Variants in NCKAP5 observed in about 807,000 individuals in gnomAD.
NCKAP5 encodes the protein nck-associated protein 5.
Under a neutral mutation model 167.0 loss-of-function variants are expected in NCKAP5, and 92 were observed. The observed-to-expected ratio is 0.55, with a 90% confidence interval of 0.47 to 0.66. The LOEUF (loss-of-function observed/expected upper bound fraction) is 0.66. NCKAP5 is among the 30% of genes least tolerant of loss of function. NCKAP5 has a pLI of 0.00. For synonymous variants in NCKAP5, 891 were observed against 877.4 expected, an observed-to-expected ratio of 1.02 and a Z score of -0.27; for missense variants, 2,378 against 2,315.0, an observed-to-expected ratio of 1.03 and a Z score of -0.56.
intron 19 of NCKAP5, among the ~76,000 whole-genome samples, chr2:132,701,303 T>G (rs1163740681): frequency 6.6e-6 from 1 of 152,110 alleles, no homozygotes; most frequent in Admixed American, 6.6e-5. Flanking sequence ...CAGGGTGCCA[T>G]CTGGGCCCAT....
intron 6 of NCKAP5, among the ~76,000 whole-genome samples, chr2:133,026,429 C>A (rs2078702693): frequency 6.6e-6 from 1 of 151,134 alleles, no homozygotes; most frequent in African/African-American, 2.4e-5. Context: ...GATTCACTCT[C>A]AGGAAACTTC....
intron 6 of NCKAP5, among the ~76,000 whole-genome samples, chr2:133,100,408 G>T (rs1251359114): frequency 6.6e-6 from 1 of 152,066 alleles, no homozygotes; most frequent in Non-Finnish European, 1.5e-5. Context: ...ATGTAGTTGG[G>T]CCATTTTACA....
intron 11 of NCKAP5, among the ~76,000 whole-genome samples, chr2:132,807,428 T>C (rs1685525032): frequency 6.6e-6 from 1 of 152,204 alleles, no homozygotes; most frequent in Non-Finnish European, 1.5e-5. Context: ...TCATCTATGA[T>C]TTCTTTCAAC....
At chr2:133,559,319 T>A (rs1189196059) in intron 1 of NCKAP5, among the ~76,000 whole-genome samples, 2 of 152,168 alleles carry the variant, frequency 1.3e-5, no homozygotes, top group African/African-American at 4.8e-5. Context: ...ACACATTTAA[T>A]AAATACTGGG....
intron 6 of NCKAP5, among the ~76,000 whole-genome samples, chr2:133,008,557 A>G (rs990698798): frequency 1.3e-5 from 2 of 152,154 alleles, no homozygotes; most frequent in African/African-American, 4.8e-5. Context: ...GGAAGAGGTG[A>G]TTTCTGTCCT....
At position 132,785,038 on chromosome 2, in the gene NCKAP5, C is replaced by T. The variant is rs368007981; in HGVS notation, c.1773G>A (p.Leu591=). 8.7e-6 allele frequency: 14 copies of T among 1,613,902 alleles called. No homozygotes were observed. Among genetic ancestry groups the T allele is most frequent in the Non-Finnish European group, 1.2e-5 (14 of 1,179,894 alleles). ...DTDDNETFDE[L]HIESSDEKSP... is the part of the protein sequence containing the mutation. ...TTTTCTCATCACTGCTCTCTATGTGCAGCTCATCAAACGTTTCATTGTCAT... is the reference window on the plus strand; with the variant it reads ...TTTTCTCATCACTGCTCTCTATGTGTAGCTCATCAAACGTTTCATTGTCAT... The change falls in exon 14 of 20, where the codon CTG becomes CTA. Residue 591 remains leucine, a synonymous_variant. Transcript: ENST00000409261.
intron 3 of NCKAP5, among the ~76,000 whole-genome samples, chr2:133,372,169 C>G (rs774448399): frequency 1.3e-5 from 2 of 152,018 alleles, no homozygotes; most frequent in Non-Finnish European, 2.9e-5. Context: ...ATGGAGAGCT[C>G]GAGAAGGAGA....
intron 6 of NCKAP5, among the ~76,000 whole-genome samples, chr2:133,036,864 G>T (rs1444070252): frequency 1.3e-5 from 2 of 151,948 alleles, no homozygotes; most frequent in African/African-American, 4.8e-5. Flanking sequence ...AAACTGGAAA[G>T]GAAGAAGTCA....
chr2:133,584,319 T>G, the NCKAP5 span, among the ~76,000 whole-genome samples: 1 of 152,192 alleles, frequency 6.6e-6, no homozygotes, highest in Admixed American at 6.5e-5. Context: ...TCCTTGGCAG[T>G]CAATTCTGAC....
chr2:133,569,912 A>G (rs573147172), upstream of NCKAP5, among the ~76,000 whole-genome samples: 3 of 152,292 alleles, frequency 2.0e-5, no homozygotes, highest in South Asian at 2.1e-4. Flanking sequence ...TTTTACAAGT[A>G]CAGACCCTTA....
intron 3 of NCKAP5, among the ~76,000 whole-genome samples, chr2:133,495,187 G>A (rs1241074088): frequency 6.6e-6 from 1 of 152,100 alleles, no homozygotes; most frequent in East Asian, 1.9e-4. Context: ...ATTGATTGAT[G>A]TCTTATATCT....
At chr2:133,080,122 A>T (rs192387828) in intron 6 of NCKAP5, among the ~76,000 whole-genome samples, 5 of 152,254 alleles carry the variant, frequency 3.3e-5, no homozygotes, top group Admixed American at 2.6e-4. Context: ...TACATATATG[A>T]TATGTAATAC....
At chr2:132,682,388 T>G (rs1573838255) in intron 19 of NCKAP5, among the ~76,000 whole-genome samples, 2 of 152,098 alleles carry the variant, frequency 1.3e-5, no homozygotes, top group South Asian at 2.1e-4. Context: ...AAATGGGGAG[T>G]CTGCTGTTCC....
At chr2:133,518,936 A>C (rs1311878627) in intron 2 of NCKAP5, among the ~76,000 whole-genome samples, 1 of 152,226 alleles carries the variant, frequency 6.6e-6, no homozygotes, top group African/African-American at 2.4e-5. Context: ...CTTGTAAATA[A>C]ACATAGACAT....
chr2:133,648,627 A>C, the NCKAP5 span, among the ~76,000 whole-genome samples: 1 of 152,102 alleles, frequency 6.6e-6, no homozygotes, highest in Non-Finnish European at 1.5e-5. Flanking sequence ...AATATGTAGA[A>C]ATTAAACAAC....
chr2:133,464,056 C>A (rs1200673722), intron 3 of NCKAP5, among the ~76,000 whole-genome samples: 1 of 152,162 alleles, frequency 6.6e-6, no homozygotes. Flanking sequence ...CACGGGGGAG[C>A]CTGCATGCCC....
At chr2:133,180,895 T>C (rs572151950) in intron 5 of NCKAP5, among the ~76,000 whole-genome samples, 1 of 152,082 alleles carries the variant, frequency 6.6e-6, no homozygotes, top group South Asian at 2.1e-4. Flanking sequence ...AGGTGGCCTA[T>C]GGACTGGGAG....
At chr2:133,317,721 A>G (rs933893176) in intron 3 of NCKAP5, among the ~76,000 whole-genome samples, 1 of 152,216 alleles carries the variant, frequency 6.6e-6, no homozygotes, top group African/African-American at 2.4e-5. Context: ...GGCCAACTCT[A>G]TAGAAAGACA....
intron 3 of NCKAP5, among the ~76,000 whole-genome samples, chr2:133,406,742 G>C (rs1306439360): frequency 6.6e-6 from 1 of 152,190 alleles, no homozygotes; most frequent in African/African-American, 2.4e-5. Context: ...AGTAAATTCA[G>C]TTCTCTCACA....
Sources: allele counts gnomAD v4.1 joint callset (sites outside exome capture counted in the v4.1 genomes callset), GRCh38; gene constraint gnomAD v4.1.1; transcripts MANE v1.5; gene names NCBI Gene and HGNC (gene_info 2026-07-23, HGNC 2026-07-21).